Variants in ADAM9 observed in about 807,000 individuals in gnomAD.
The protein encoded by ADAM9 is disintegrin and metalloproteinase domain-containing protein 9.
In ADAM9, 54 loss-of-function variants were observed where a neutral mutation model predicts 108.1. The observed-to-expected ratio is 0.50, with a 90% confidence interval of 0.40 to 0.63. The LOEUF (loss-of-function observed/expected upper bound fraction) is 0.63, where lower values mean the gene tolerates loss of function less well. Ranked by LOEUF, ADAM9 falls within the 20% of genes least tolerant of loss-of-function variation. The probability of loss-of-function intolerance (pLI) is 0.00; values close to 1 mark genes in which losing one functional copy is unlikely to be tolerated. For missense variants in ADAM9, 830 were observed against 997.7 expected, an observed-to-expected ratio of 0.83 and a Z score of 2.26; for synonymous variants, 316 against 336.0, an observed-to-expected ratio of 0.94 and a Z score of 0.65.
At chr8:39,032,483 G>A (rs1837129233) in intron 11 of ADAM9, among the ~76,000 whole-genome samples, 1 of 152,274 alleles carries the variant, frequency 6.6e-6, no homozygotes, top group African/African-American at 2.4e-5. Context: ...AGCCAGGCGT[G>A]GGATGTAATC....
intron 16 of ADAM9, among the ~76,000 whole-genome samples, chr8:39,079,880 C>T (rs187906063): frequency 2.4e-4 from 36 of 152,164 alleles, no homozygotes; most frequent in Admixed American, 5.9e-4. Flanking sequence ...CCATGGCATC[C>T]GGCCTTAAAA....
chr8:39,065,322 T>C (rs1838425473), intron 14 of ADAM9, among the ~76,000 whole-genome samples: 2 of 152,052 alleles, frequency 1.3e-5, no homozygotes, highest in South Asian at 4.1e-4. Context: ...GAAACTCTTT[T>C]ATATTCTCTG....
rs528754187 is a variant in ADAM9 at position 39,003,868 on chromosome 8, AAAAG to A, written c.98-4015_98-4012del. Among the ~76,000 whole-genome samples, 84 of 152,292 alleles carry A rather than the reference AAAAG, an allele frequency of 5.5e-4. 1 individual carries two copies. Among genetic ancestry groups the A allele is most frequent in the African/African-American group, 2.0e-3 (82 of 41,564 alleles). On this transcript the variant is annotated intron_variant, in intron 1 of 21. Transcript: ENST00000487273. ...CAAATGAGAATTGTGTTTAAAATGG[AAAAG>A]AAGGAAAAAAAGTTACGTATAATCT...
Position 39,016,150 on chromosome 8 carries a change from A to G in ADAM9, c.366A>G (p.Gly122=). The change falls in exon 5 of 22, where the codon GGA becomes GGG. Residue 122 remains glycine, a synonymous_variant. Coordinates refer to ENST00000487273, the MANE Select transcript of ADAM9 (RefSeq NM_003816.3). Reference sequence around the variant, plus strand: ...GTCATTATCGGGGCTATGTGGAGGGAGTTCATAATTCATCCATTGCTCTTA... The same window carrying G: ...GTCATTATCGGGGCTATGTGGAGGGGGTTCATAATTCATCCATTGCTCTTA... ...NHCHYRGYVE[G]VHNSSIALSD... The G allele has an allele frequency of 6.2e-7, 1 of 1,613,820 alleles. No individual in the cohort carries two copies. The highest frequency in any genetic ancestry group is 8.5e-7 in the Non-Finnish European group (1 of 1,179,818).
At chr8:39,027,410 T>C (rs984735682) in intron 11 of ADAM9, among the ~76,000 whole-genome samples, 5 of 152,202 alleles carry the variant, frequency 3.3e-5, no homozygotes, top group Non-Finnish European at 5.9e-5. Context: ...GTACAGGCAC[T>C]ATTGTAGCCA....
intron 7 of ADAM9, among the ~76,000 whole-genome samples, chr8:39,020,253 A>G (rs948622658): frequency 1.3e-5 from 2 of 152,236 alleles, no homozygotes; most frequent in African/African-American, 4.8e-5. Flanking sequence ...CTTCATCTCA[A>G]AAAAACAAAA....
Position 38,997,174 on chromosome 8 carries a change from C to T in ADAM9, c.97+14C>T, listed in dbSNP as rs1197162971. 1.3e-6 allele frequency: 2 copies of T among 1,594,732 alleles called. No individual in the cohort carries two copies. Among genetic ancestry groups the T allele is most frequent in the East Asian group, 2.2e-5 (1 of 44,612 alleles). On this transcript the variant is annotated intron_variant, in intron 1 of 21. Coordinates refer to ENST00000487273, the MANE Select transcript of ADAM9 (RefSeq NM_003816.3). ...CGGCGCGGCCAGGTGGGTGTCCGCG[C>T]CCCGGGTCGGTTGGGACGGCTGCTT...
At chr8:39,070,614 C>T (rs1037583197) in intron 14 of ADAM9, among the ~76,000 whole-genome samples, 8 of 151,896 alleles carry the variant, frequency 5.3e-5, no homozygotes, top group African/African-American at 1.9e-4. Context: ...AAAAATTAGC[C>T]AAGCATGGTG....
chr8:39,014,845 T>A (rs1836475744), intron 4 of ADAM9: 2 of 336,672 alleles, frequency 5.9e-6, no homozygotes, highest in South Asian at 1.2e-4. Context: ...TTATTAGTAC[T>A]TACAAAAACC....
chr8:39,045,554 GTA>G (rs1324926089), intron 12 of ADAM9, among the ~76,000 whole-genome samples: 20 of 84,380 alleles, frequency 2.4e-4, no homozygotes, highest in South Asian at 1.4e-3. Flanking sequence ...ATGTGTGTGT[GTA>G]TATGTGTGTG....
Position 39,104,715 on chromosome 8 carries a change from G to C in ADAM9, c.*1015G>C, listed in dbSNP as rs1255526529. ...ACACTAATATTTTCATAGAAATTAG[G>C]CTGGAGAAAGAAGGAAGAAATGGTT... On this transcript the variant is annotated 3_prime_UTR_variant, in exon 22 of 22. Transcript: ENST00000487273. 1 of 453,686 alleles carries C rather than the reference G, an allele frequency of 2.2e-6. No homozygotes were observed. Among genetic ancestry groups the C allele is most frequent in the South Asian group, 1.6e-5 (1 of 64,434 alleles). 28.1% of individuals were successfully genotyped at this position (453,686 alleles called of 1,614,324 possible).
intron 14 of ADAM9, among the ~76,000 whole-genome samples, chr8:39,056,405 C>T (rs144520826): frequency 3.3e-5 from 5 of 152,102 alleles, no homozygotes; most frequent in East Asian, 1.9e-4. Context: ...CTTGGCAATG[C>T]GACGTTTTGA....
chr8:39,035,506 T>C (rs1221885028), intron 11 of ADAM9, among the ~76,000 whole-genome samples: 1 of 152,212 alleles, frequency 6.6e-6, no homozygotes, highest in Non-Finnish European at 1.5e-5. Flanking sequence ...GTAGCTGTTA[T>C]ATTTAAAATT....
At chr8:39,068,215 C>G (rs1254276554) in intron 14 of ADAM9, among the ~76,000 whole-genome samples, 4 of 152,144 alleles carry the variant, frequency 2.6e-5, no homozygotes, top group Admixed American at 2.6e-4. Context: ...AGAGGTCACT[C>G]TAGGCTCATG....
chr8:39,039,603 C>T (rs1320544505), intron 11 of ADAM9, among the ~76,000 whole-genome samples: 1 of 152,162 alleles, frequency 6.6e-6, no homozygotes, highest in Non-Finnish European at 1.5e-5. Flanking sequence ...CTGGATTTTC[C>T]ACTTCTTTTT....
chr8:39,023,023 T>G, intron 8 of ADAM9, 133 bp from the exon 9 acceptor site: 1 of 801,504 alleles, frequency 1.2e-6, no homozygotes, highest in Non-Finnish European at 1.9e-6. Flanking sequence ...CAAAGTCTCA[T>G]TGTATTAAAG....
At chr8:39,011,569 A>G in intron 2 of ADAM9, 89 bp from the exon 3 acceptor site, 3 of 1,199,802 alleles carry the variant, frequency 2.5e-6, no homozygotes, top group Non-Finnish European at 3.7e-6. Context: ...TTAATTCAGG[A>G]TGGAATTTCC....
At chr8:39,103,044 G>A (rs1354477104) in intron 21 of ADAM9, among the ~76,000 whole-genome samples, 2 of 152,128 alleles carry the variant, frequency 1.3e-5, no homozygotes, top group African/African-American at 4.8e-5. Context: ...AAATTGTGAG[G>A]GAAACATTCA....
At chr8:39,003,933 T>G (rs2129431487) in intron 1 of ADAM9, among the ~76,000 whole-genome samples, 1 of 152,306 alleles carries the variant, frequency 6.6e-6, no homozygotes, top group South Asian at 2.1e-4. Context: ...TCATTGGCAG[T>G]CTCGGTAAAA....
Sources: gnomAD v4.1 joint callset for allele counts (sites outside exome capture counted in the v4.1 genomes callset) on GRCh38, gnomAD v4.1.1 for gene constraint, MANE v1.5 for transcripts, NCBI Gene and HGNC (gene_info 2026-07-23, HGNC 2026-07-21) for gene names.